Variants in PTPRJ observed in about 807,000 individuals in gnomAD.
The protein encoded by PTPRJ is receptor-type tyrosine-protein phosphatase eta.
A neutral mutation model predicts 141.3 loss-of-function variants in PTPRJ; 129 were observed. The ratio of observed to expected loss-of-function variants is 0.91; its 90% CI spans 0.79 to 1.06. The LOEUF is 1.06. Ranked by LOEUF, PTPRJ falls within the 50% of genes least tolerant of loss-of-function variation. PTPRJ has a pLI of 0.00. For missense variants in PTPRJ, 1,601 were observed against 1,679.7 expected (o/e 0.95, Z 0.82); for synonymous variants, 610 against 640.5 (o/e 0.95, Z 0.72).
At chr11:48,029,841 A>G (rs1003788159) in intron 1 of PTPRJ, among the ~76,000 whole-genome samples, 1 of 152,224 alleles carries the variant, frequency 6.6e-6, no homozygotes, top group African/African-American at 2.4e-5. Flanking sequence ...GAAGGAAAAT[A>G]GTAAAGATGA....
intron 8 of PTPRJ, among the ~76,000 whole-genome samples, chr11:48,135,037 A>G (rs560992210): frequency 1.4e-4 from 22 of 152,312 alleles, no homozygotes; most frequent in African/African-American, 2.4e-4. Context: ...ATTGAGATAT[A>G]ATATACATAC....
intron 1 of PTPRJ, among the ~76,000 whole-genome samples, chr11:48,052,677 G>C (rs6485803): frequency 0.07 from 10,630 of 152,156 alleles, 1,220 homozygotes; most frequent in African/African-American, 0.24. Flanking sequence ...ACAGATAAAC[G>C]CAGGGTACAG....
intron 1 of PTPRJ, among the ~76,000 whole-genome samples, chr11:48,008,663 C>T (rs1349370727): frequency 6.6e-6 from 1 of 151,638 alleles, no homozygotes; most frequent in Non-Finnish European, 1.5e-5. Context: ...CTCCCAGGTT[C>T]AAGCGATTCT....
chr11:48,006,021 G>A (rs776684314), intron 1 of PTPRJ, among the ~76,000 whole-genome samples: 5 of 152,248 alleles, frequency 3.3e-5, no homozygotes, highest in Non-Finnish European at 7.3e-5. Flanking sequence ...CAGAGGCTGT[G>A]TGGTGCTGGA....
chr11:48,035,538 C>CTTT (rs66504227), intron 1 of PTPRJ, among the ~76,000 whole-genome samples: 99 of 61,750 alleles, frequency 1.6e-3, no homozygotes, highest in East Asian at 4.9e-3. Context: ...CTTTCTTCTT[C>CTTT]TTTTTTTTTT....
chr11:48,005,755 G>C (rs1381341637), intron 1 of PTPRJ, among the ~76,000 whole-genome samples: 1 of 152,234 alleles, frequency 6.6e-6, no homozygotes, highest in Non-Finnish European at 1.5e-5. Context: ...GGTGGGCTGT[G>C]AGGAGCCTGT....
chr11:48,124,941 T>C (rs1387216020), intron 5 of PTPRJ, 27 bp from the exon 6 acceptor site: 2 of 1,608,302 alleles, frequency 1.2e-6, no homozygotes, highest in Non-Finnish European at 1.7e-6. Context: ...GTGGTTGATG[T>C]CTTTTTGTCT....
At chr11:48,049,563 AACAAG>A (rs1565276309) in intron 1 of PTPRJ, among the ~76,000 whole-genome samples, 1 of 140,934 alleles carries the variant, frequency 7.1e-6, no homozygotes, top group African/African-American at 2.7e-5. Context: ...AACAAAACAA[AACAAG>A]TCGGGTGTGG....
intron 1 of PTPRJ, among the ~76,000 whole-genome samples, chr11:48,042,851 TG>T (rs1346919182): frequency 6.6e-6 from 1 of 151,338 alleles, no homozygotes; most frequent in Non-Finnish European, 1.5e-5. Context: ...GAAGGAAGAA[TG>T]ATTGATTAGG....
intron 1 of PTPRJ, among the ~76,000 whole-genome samples, chr11:48,038,365 A>C (rs1339042265): frequency 6.6e-6 from 1 of 152,098 alleles, no homozygotes; most frequent in Non-Finnish European, 1.5e-5. Flanking sequence ...TGAGACACAG[A>C]ATCTGCGTTT....
At chr11:48,015,359 G>A (rs1854922898) in intron 1 of PTPRJ, among the ~76,000 whole-genome samples, 1 of 151,724 alleles carries the variant, frequency 6.6e-6, no homozygotes, top group Non-Finnish European at 1.5e-5. Flanking sequence ...AGCTAGATTT[G>A]TGGCCCATCT....
intron 3 of PTPRJ, among the ~76,000 whole-genome samples, chr11:48,117,646 T>C (rs10742833): frequency 0.91 from 135,964 of 149,816 alleles, 61,605 homozygotes; most frequent in East Asian, 0.97. Flanking sequence ...CTCAAGTAAA[T>C]AACCTAATGT....
chr11:48,064,596 A>AATTT (rs755041847), intron 1 of PTPRJ, among the ~76,000 whole-genome samples: 1 of 151,870 alleles, frequency 6.6e-6, no homozygotes, highest in African/African-American at 2.4e-5. Context: ...CCGAGCTGCA[A>AATTT]ATGTATTTAT....
At chr11:48,135,137 T>C (rs932849279) in intron 8 of PTPRJ, among the ~76,000 whole-genome samples, 4 of 151,536 alleles carry the variant, frequency 2.6e-5, no homozygotes, top group African/African-American at 9.7e-5. Context: ...AAAAACTGAA[T>C]GTGATTTCCA....
chr11:48,104,003 T>C (rs1313831036), intron 1 of PTPRJ, among the ~76,000 whole-genome samples: 2 of 152,188 alleles, frequency 1.3e-5, no homozygotes, highest in African/African-American at 4.8e-5. Context: ...GGACCTGGAA[T>C]TGTGAATTAT....
At chr11:48,139,363 C>T in intron 10 of PTPRJ, 123 bp from the exon 11 acceptor site, 1 of 1,043,660 alleles carries the variant, frequency 9.6e-7, no homozygotes. Context: ...TAGGGTCAGC[C>T]CCTGCCTCTT....
chr11:48,006,079 G>A (rs1854613394), intron 1 of PTPRJ, among the ~76,000 whole-genome samples: 1 of 152,210 alleles, frequency 6.6e-6, no homozygotes, highest in Admixed American at 6.5e-5. Flanking sequence ...GTGGTTGTGG[G>A]ATAAGAGGAG....
intron 21 of PTPRJ, among the ~76,000 whole-genome samples, chr11:48,159,434 T>G (rs548599467): frequency 1.3e-5 from 2 of 152,268 alleles, no homozygotes; most frequent in African/African-American, 4.8e-5. Context: ...GGGAGCTGGA[T>G]GGGGACTGTG....
chr11:48,092,249 C>T (rs1398872787), intron 1 of PTPRJ, among the ~76,000 whole-genome samples: 9 of 130,392 alleles, frequency 6.9e-5, no homozygotes, highest in East Asian at 2.5e-4. Context: ...GAGCCGACAT[C>T]GCGCCACTGC....
Sources: allele counts gnomAD v4.1 joint callset (sites outside exome capture counted in the v4.1 genomes callset), GRCh38; gene constraint gnomAD v4.1.1; transcripts MANE v1.5; gene names NCBI Gene and HGNC (gene_info 2026-07-23, HGNC 2026-07-21).